Variants in MOSPD1 observed in about 807,000 individuals in gnomAD.
MOSPD1 encodes the protein motile sperm domain-containing protein 1.
Under a neutral mutation model 16.7 loss-of-function variants are expected in MOSPD1, and 5 were observed. That is an observed-to-expected ratio of 0.30 (90% confidence interval 0.16 to 0.63). MOSPD1 has a LOEUF of 0.63. Ranked by LOEUF, MOSPD1 falls within the 30% of genes least tolerant of loss-of-function variation. MOSPD1 has a pLI of 0.82. For missense variants in MOSPD1, 104 were observed against 153.6 expected (o/e 0.68, Z 1.71); for synonymous variants, 67 against 59.2 (o/e 1.13, Z -0.61).
intron 1 of MOSPD1, among the ~76,000 whole-genome samples, chrX:134,907,152 C>T (rs527979030): frequency 9.0e-6 from 1 of 110,498 alleles, no homozygotes; most frequent in East Asian, 2.8e-4. Context: ...TGCTTGAATC[C>T]GGGAGGTGGA....
intron 1 of MOSPD1, among the ~76,000 whole-genome samples, chrX:134,910,512 C>G (rs1367639586): frequency 2.7e-5 from 3 of 111,711 alleles, no homozygotes; most frequent in Middle Eastern, 4.2e-3. Flanking sequence ...ATTTTGTCAG[C>G]CTTCCAAAAA....
chrX:134,892,241 T>G (rs2082866133), intron 4 of MOSPD1, among the ~76,000 whole-genome samples: 1 of 112,019 alleles, frequency 8.9e-6, no homozygotes. Context: ...CCAAAAGTGT[T>G]TCCCTCTGCT....
Position 134,912,370 on chromosome X carries a change from A to C in MOSPD1, c.-102+2812T>G, listed in dbSNP as rs772605418. Among the ~76,000 whole-genome samples, 142 of 109,306 alleles carry C rather than the reference A, an allele frequency of 1.3e-3. 1 individual carries two copies. Among genetic ancestry groups the C allele is most frequent in the African/African-American group, 4.3e-3 (129 of 29,967 alleles). 94.9% of individuals were successfully genotyped at this position (109,306 alleles called of 115,157 possible). On this transcript the variant is annotated intron_variant, in intron 1 of 5. Coordinates refer to ENST00000370783, the MANE Select transcript of MOSPD1 (RefSeq NM_019556.3). Reference sequence around the variant, plus strand: ...GCTAATTTTTCTATTTTTAGTAGAGATGAGGTTTTGCCATGTTGGCCAGGC... The same window carrying C: ...GCTAATTTTTCTATTTTTAGTAGAGCTGAGGTTTTGCCATGTTGGCCAGGC...
chrX:134,890,249 GT>G (rs1311757563), intron 5 of MOSPD1, among the ~76,000 whole-genome samples: 2 of 110,650 alleles, frequency 1.8e-5, no homozygotes, highest in African/African-American at 6.6e-5. Flanking sequence ...ACAGAATGAA[GT>G]AGCTAGATAA....
chrX:134,911,679 A>G (rs1252913358), intron 1 of MOSPD1, among the ~76,000 whole-genome samples: 1 of 112,385 alleles, frequency 8.9e-6, no homozygotes, highest in African/African-American at 3.2e-5. Context: ...GTGTGAATCA[A>G]TCAGTGAGAC....
At chrX:134,892,608 T>A (rs1222169659) in intron 4 of MOSPD1, among the ~76,000 whole-genome samples, 2 of 112,513 alleles carry the variant, frequency 1.8e-5, no homozygotes, top group African/African-American at 3.2e-5. Flanking sequence ...AAAAGATTTT[T>A]AAAAAAGGCT....
At position 134,899,177 on chromosome X, in the gene MOSPD1, A is replaced by C. The variant is rs1166865926; in HGVS notation, c.155-12T>G. ...AGTAGTACACAAAACTGAAAGAAAAAGTCACAATGGCCATTAGTGTTTTTT... is the reference window on the plus strand; with the variant it reads ...AGTAGTACACAAAACTGAAAGAAAACGTCACAATGGCCATTAGTGTTTTTT... On this transcript the variant is annotated splice_polypyrimidine_tract_variant and intron_variant, in intron 2 of 5. Transcript: ENST00000370783. 1 of 1,189,978 alleles carries C rather than the reference A, an allele frequency of 8.4e-7. No homozygotes were observed. Among genetic ancestry groups the C allele is most frequent in the Non-Finnish European group, 1.1e-6 (1 of 882,905 alleles).
At chrX:134,904,718 C>T (rs999769751) in intron 1 of MOSPD1, among the ~76,000 whole-genome samples, 6 of 110,186 alleles carry the variant, frequency 5.4e-5, no homozygotes, top group East Asian at 5.7e-4. Flanking sequence ...TAAAATTAGC[C>T]GGGCGTGGTG....
chrX:134,896,145 T>C (rs767120375), intron 4 of MOSPD1, among the ~76,000 whole-genome samples: 1 of 111,080 alleles, frequency 9.0e-6, no homozygotes, highest in South Asian at 3.8e-4. Flanking sequence ...TTACAACAGG[T>C]TTAGGAGGAG....
chrX:134,887,771 T>C lies in MOSPD1; in HGVS notation c.*1390A>G, dbSNP rs974570738. On this transcript the variant is annotated 3_prime_UTR_variant, in exon 6 of 6. Coordinates refer to ENST00000370783, the MANE Select transcript of MOSPD1 (RefSeq NM_019556.3). ...AACAAGAATAGCCTCCACACATCAT[T>C]TTTACAAAGTTCAAAGTAGATTACA... 8.8e-6 allele frequency: 1 copy of C among 113,205 alleles called. No individual in the cohort carries two copies. Among genetic ancestry groups the C allele is most frequent in the Non-Finnish European group, 1.9e-5 (1 of 53,350 alleles). 9.3% of individuals were successfully genotyped at this position (113,205 alleles called of 1,213,427 possible).
chrX:134,899,598 C>A (rs763473210), intron 1 of MOSPD1, 64 bp from the exon 2 acceptor site: 3 of 454,203 alleles, frequency 6.6e-6, no homozygotes, highest in Non-Finnish European at 1.0e-5. Context: ...AATCTATAGC[C>A]CCTACACAAA....
At chrX:134,898,195 A>G (rs1199276873) in intron 3 of MOSPD1, among the ~76,000 whole-genome samples, 2 of 111,790 alleles carry the variant, frequency 1.8e-5, no homozygotes, top group African/African-American at 6.5e-5. Flanking sequence ...TGTAATTCTT[A>G]TGGGTTTTCT....
rs931282986 is a variant in MOSPD1, at chrX:134,889,071, G to A, written c.*90C>T. On this transcript the variant is annotated 3_prime_UTR_variant, in exon 6 of 6. Coordinates refer to ENST00000370783, the MANE Select transcript of MOSPD1 (RefSeq NM_019556.3). ...ATTTGAAATCATTCAATAGTTTGTTGCATGTTAATGGAGTGAAATAGAGAT... is the reference window on the plus strand; with the variant it reads ...ATTTGAAATCATTCAATAGTTTGTTACATGTTAATGGAGTGAAATAGAGAT... 3.7e-6 allele frequency: 2 copies of A among 543,207 alleles called. No individual in the cohort carries two copies. 44.8% of individuals were successfully genotyped at this position (543,207 alleles called of 1,213,427 possible). A position where few individuals can be genotyped will look rare whatever the true frequency, so the allele number is the denominator to read the frequency against.
At position 134,899,446 on chromosome X, in the gene MOSPD1, C is replaced by T. The variant is rs1382439076; in HGVS notation, c.-13G>A. 1.1e-5 allele frequency: 12 copies of T among 1,138,987 alleles called. No individual in the cohort carries two copies. The highest frequency in any genetic ancestry group is 1.3e-5 in the Non-Finnish European group (11 of 865,265). 93.9% of individuals were successfully genotyped at this position (1,138,987 alleles called of 1,213,427 possible). ...TTTGTTGATGCATTGGCACTGAATC[C>T]CCCTTGCTGCAGTTTCTGTTTTTAC... On this transcript the variant is annotated 5_prime_UTR_variant, in exon 2 of 6. Coordinates refer to ENST00000370783, the MANE Select transcript of MOSPD1 (RefSeq NM_019556.3).
At chrX:134,911,251 C>A (rs1282712675) in intron 1 of MOSPD1, among the ~76,000 whole-genome samples, 1 of 111,612 alleles carries the variant, frequency 9.0e-6, no homozygotes, top group Admixed American at 9.6e-5. Flanking sequence ...CAACACCTGA[C>A]TCCTGAGTAG....
Position 134,899,449 on chromosome X carries a change from C to G in MOSPD1, c.-16G>C. 1 of 1,142,431 alleles carries G rather than the reference C, an allele frequency of 8.8e-7. No individual in the cohort carries two copies. 94.1% of individuals were successfully genotyped at this position (1,142,431 alleles called of 1,213,427 possible). On this transcript the variant is annotated 5_prime_UTR_variant, in exon 2 of 6. Transcript: ENST00000370783. ...GTTGATGCATTGGCACTGAATCCCC[C>G]TTGCTGCAGTTTCTGTTTTTACAGT...
rs768494686 is a variant in MOSPD1, at chrX:134,904,129, G to A, written c.-101-4595C>T. 2.7e-5 allele frequency among the ~76,000 whole-genome samples: 3 copies of A among 112,405 alleles called. No individual in the cohort carries two copies. The East Asian group carries it at 8.3e-4, about 31-fold the overall frequency. On this transcript the variant is annotated intron_variant, in intron 1 of 5. Coordinates refer to ENST00000370783, the MANE Select transcript of MOSPD1 (RefSeq NM_019556.3). ...TCATCTGTATAACTTTTTAAACTCT[G>A]CATGGCAAAAAAACTTTACTTCATA...
intron 4 of MOSPD1, among the ~76,000 whole-genome samples, chrX:134,896,556 CA>C (rs1468179631): frequency 1.7e-4 from 19 of 111,478 alleles, no homozygotes; most frequent in African/African-American, 5.9e-4. Flanking sequence ...TGTTTAAATA[CA>C]GATATATTTA....
chrX:134,906,069 C>A (rs1035805632), intron 1 of MOSPD1, among the ~76,000 whole-genome samples: 5 of 110,812 alleles, frequency 4.5e-5, no homozygotes, highest in African/African-American at 1.6e-4. Flanking sequence ...CACATTTTCC[C>A]ATGAATCACG....
Sources: gnomAD v4.1 joint callset for allele counts (sites outside exome capture counted in the v4.1 genomes callset) on GRCh38, gnomAD v4.1.1 for gene constraint, MANE v1.5 for transcripts, NCBI Gene and HGNC (gene_info 2026-07-23, HGNC 2026-07-21) for gene names.